The following GRM1 variants were observed in gnomAD, a reference collection of about 807,000 sequenced individuals.
The protein encoded by GRM1 is metabotropic glutamate receptor 1.
GRM1 carries 33 observed loss-of-function variants against 90.9 expected under a neutral mutation model. The ratio of observed to expected loss-of-function variants is 0.36; its 90% CI spans 0.28 to 0.49. GRM1 has a LOEUF of 0.49. GRM1 is among the 20% of genes least tolerant of loss of function. The probability of loss-of-function intolerance (pLI) is 0.99; values close to 1 mark genes in which losing one functional copy is unlikely to be tolerated. For missense variants in GRM1, 1,190 were observed against 1,534.3 expected (o/e 0.78, Z 3.75); for synonymous variants, 700 against 613.2 (o/e 1.14, Z -2.09).
intron 2 of GRM1, among the ~76,000 whole-genome samples, chr6:146,257,773 AATGGATTGCAGG>A: frequency 6.6e-6 from 1 of 151,950 alleles, no homozygotes; most frequent in East Asian, 1.9e-4. Context: ...TCAGGCTCTC[AATGGATTGCAGG>A]ATGCCTACCC....
intron 3 of GRM1, among the ~76,000 whole-genome samples, chr6:146,308,972 A>T (rs1307707770): frequency 6.6e-6 from 1 of 152,150 alleles, no homozygotes; most frequent in Non-Finnish European, 1.5e-5. Flanking sequence ...GTTTTTGCTT[A>T]TTCACAATTT....
intron 7 of GRM1, among the ~76,000 whole-genome samples, chr6:146,416,135 G>A (rs74566301): frequency 0.013 from 1,958 of 152,176 alleles, 46 homozygotes; most frequent in African/African-American, 0.045. Context: ...TGTGCAGCAT[G>A]TAAGTTTGAT....
chr6:146,413,537 T>A (rs2206955), intron 7 of GRM1, among the ~76,000 whole-genome samples: 1,942 of 152,288 alleles, frequency 0.013, 47 homozygotes, highest in African/African-American at 0.045. Context: ...ACATTTTCTG[T>A]AATCCTTTTT....
In GRM1 at chr6:146,075,848, G is replaced by C. The variant is rs73578805; in HGVS notation, c.700+45631G>C. ...CTCTTCACATGGGCCTCTATTTTGTGTGTGTCTCTGAATGTCCACTCCTCT... is the reference window on the plus strand; with the variant it reads ...CTCTTCACATGGGCCTCTATTTTGTCTGTGTCTCTGAATGTCCACTCCTCT... On this transcript the variant is annotated intron_variant, in intron 1 of 7. Transcript: ENST00000282753. 2.6e-5 allele frequency among the ~76,000 whole-genome samples: 4 copies of C among 152,108 alleles called. No homozygotes were observed. In the East Asian group the frequency reaches 7.7e-4, roughly 29 times the overall value.
intron 3 of GRM1, among the ~76,000 whole-genome samples, chr6:146,324,654 A>C (rs1018184968): frequency 3.9e-4 from 59 of 152,112 alleles, no homozygotes; most frequent in African/African-American, 1.4e-3. Context: ...ACCATCCCTC[A>C]CAGCTTCCCT....
intron 5 of GRM1, among the ~76,000 whole-genome samples, chr6:146,384,786 G>A (rs1421542551): frequency 6.6e-6 from 1 of 151,720 alleles, no homozygotes; most frequent in Non-Finnish European, 1.5e-5. Flanking sequence ...ATAAAAAGAA[G>A]AAAAATGACA....
chr6:146,028,997 C>T (rs569950181), upstream of GRM1, among the ~76,000 whole-genome samples: 55 of 152,300 alleles, frequency 3.6e-4, no homozygotes, highest in African/African-American at 1.3e-3. Flanking sequence ...CTCTGCGCCG[C>T]CTGGACCCGT....
intron 2 of GRM1, among the ~76,000 whole-genome samples, chr6:146,251,753 C>A (rs1478212413): frequency 6.6e-6 from 1 of 152,210 alleles, no homozygotes; most frequent in Admixed American, 6.5e-5. Context: ...CCTTCAATGG[C>A]TTCCTATCTC....
chr6:146,248,987 A>G (rs879611940), intron 2 of GRM1, among the ~76,000 whole-genome samples: 21 of 152,282 alleles, frequency 1.4e-4, no homozygotes, highest in Non-Finnish European at 2.2e-4. Context: ...GAGAGAGATG[A>G]TTTAGGGTAT....
chr6:146,094,594 A>G (rs1431410788), intron 1 of GRM1, among the ~76,000 whole-genome samples: 1 of 152,136 alleles, frequency 6.6e-6, no homozygotes, highest in Admixed American at 6.6e-5. Context: ...GTGTATGTGT[A>G]ATTAATCATT....
At chr6:146,300,602 A>G (rs1783342185) in intron 2 of GRM1, among the ~76,000 whole-genome samples, 1 of 152,206 alleles carries the variant, frequency 6.6e-6, no homozygotes, top group Admixed American at 6.5e-5. Flanking sequence ...CACAATATAT[A>G]GTTTTATTTC....
chr6:146,390,403 C>T (rs886090008), intron 6 of GRM1, among the ~76,000 whole-genome samples: 2 of 151,858 alleles, frequency 1.3e-5, no homozygotes, highest in South Asian at 4.1e-4. Context: ...TAATTCAGCA[C>T]TTAAATTTCA....
chr6:146,252,410 G>C (rs1452507945), intron 2 of GRM1, among the ~76,000 whole-genome samples: 1 of 152,120 alleles, frequency 6.6e-6, no homozygotes, highest in African/African-American at 2.4e-5. Flanking sequence ...GGTCAAGGCG[G>C]GTGGATCAAT....
intron 6 of GRM1, among the ~76,000 whole-genome samples, chr6:146,392,430 G>T (rs1421683441): frequency 6.6e-6 from 1 of 152,136 alleles, no homozygotes; most frequent in Non-Finnish European, 1.5e-5. Flanking sequence ...TTACATGAGT[G>T]TCTTCTACAA....
chr6:146,406,698 G>T (rs1035321643), intron 7 of GRM1, among the ~76,000 whole-genome samples: 2 of 152,094 alleles, frequency 1.3e-5, no homozygotes, highest in Non-Finnish European at 2.9e-5. Context: ...GCCAGGCGTG[G>T]TGGCATGCAC....
At chr6:146,172,909 A>C (rs1400734627) in intron 2 of GRM1, among the ~76,000 whole-genome samples, 2 of 152,202 alleles carry the variant, frequency 1.3e-5, no homozygotes, top group East Asian at 1.9e-4. Flanking sequence ...ACTAACTGAT[A>C]AGTTGATCAG....
At chr6:146,344,257 G>A (rs73785349) in intron 3 of GRM1, among the ~76,000 whole-genome samples, 2,216 of 152,140 alleles carry the variant, frequency 0.015, 56 homozygotes, top group African/African-American at 0.049. Flanking sequence ...AATTATTAAC[G>A]CATACCCCAT....
At chr6:146,422,729 A>G (rs187016826) in intron 7 of GRM1, among the ~76,000 whole-genome samples, 119 of 152,308 alleles carry the variant, frequency 7.8e-4, no homozygotes, top group Non-Finnish European at 1.0e-3. Flanking sequence ...AAAGTGAAGA[A>G]TGGGTGACCT....
intron 1 of GRM1, among the ~76,000 whole-genome samples, chr6:146,043,328 C>A (rs144451100): frequency 6.6e-6 from 1 of 151,972 alleles, no homozygotes; most frequent in Non-Finnish European, 1.5e-5. Flanking sequence ...ATATTACATA[C>A]TTGACTTTGT....
Sources: allele counts gnomAD v4.1 joint callset (sites outside exome capture counted in the v4.1 genomes callset), GRCh38; gene constraint gnomAD v4.1.1; transcripts MANE v1.5; gene names NCBI Gene and HGNC (gene_info 2026-07-23, HGNC 2026-07-21).